NEK7: variants seen among roughly 807,000 people sequenced by gnomAD.
NEK7 encodes the protein NIMA related kinase 7.
Under a neutral mutation model 44.6 loss-of-function variants are expected in NEK7, and 18 were observed. That is an observed-to-expected ratio of 0.40 (90% CI 0.28 to 0.60). NEK7 has a LOEUF of 0.60. Ranked by LOEUF, NEK7 falls within the 20% of genes least tolerant of loss-of-function variation. The pLI, the probability that NEK7 is intolerant of heterozygous loss-of-function variation, is 0.38. For missense variants in NEK7, 256 were observed against 366.5 expected, an observed-to-expected ratio of 0.70 and a Z score of 2.46; for synonymous variants, 130 against 121.1, an observed-to-expected ratio of 1.07 and a Z score of -0.48.
At chr1:198,289,929 GA>G (rs1332289820) in intron 7 of NEK7, among the ~76,000 whole-genome samples, 5 of 152,114 alleles carry the variant, frequency 3.3e-5, no homozygotes, top group African/African-American at 4.8e-5. Flanking sequence ...TCAATGTAAT[GA>G]AAGGGATTTT....
At chr1:198,224,525 A>G (rs1328160938) in intron 1 of NEK7, among the ~76,000 whole-genome samples, 3 of 151,798 alleles carry the variant, frequency 2.0e-5, no homozygotes, top group African/African-American at 4.9e-5. Context: ...CTGTACTTCA[A>G]CCGAAACAAT....
At chr1:198,299,088 C>T (rs1404637281) in intron 9 of NEK7, among the ~76,000 whole-genome samples, 1 of 152,174 alleles carries the variant, frequency 6.6e-6, no homozygotes, top group East Asian at 1.9e-4. Context: ...AGCTGTAAAG[C>T]AAAACACATT....
intron 2 of NEK7, among the ~76,000 whole-genome samples, chr1:198,246,258 T>C (rs1571567906): frequency 6.6e-6 from 1 of 152,190 alleles, no homozygotes; most frequent in Non-Finnish European, 1.5e-5. Flanking sequence ...CCAAGGGTAG[T>C]TGGAGATGTG....
intron 1 of NEK7, among the ~76,000 whole-genome samples, chr1:198,229,019 G>T (rs182194609): frequency 2.0e-5 from 3 of 152,140 alleles, no homozygotes; most frequent in Non-Finnish European, 4.4e-5. Flanking sequence ...TTCAGAAGGC[G>T]TTCTGCCCCA....
intron 3 of NEK7, among the ~76,000 whole-genome samples, chr1:198,261,648 G>A (rs1372043066): frequency 6.6e-6 from 1 of 151,632 alleles, no homozygotes; most frequent in Non-Finnish European, 1.5e-5. Context: ...TCAGCTTGCA[G>A]TACTGACTTA....
At chr1:198,279,196 C>T in intron 7 of NEK7, 135 bp downstream of exon 7, 2 of 540,096 alleles carry the variant, frequency 3.7e-6, no homozygotes, top group Non-Finnish European at 6.6e-6. Context: ...TGAACAGATG[C>T]CTGCAACTCT....
chr1:198,249,238 A>G (rs1321842517), intron 2 of NEK7, among the ~76,000 whole-genome samples: 1 of 151,960 alleles, frequency 6.6e-6, no homozygotes, highest in Non-Finnish European at 1.5e-5. Flanking sequence ...TTTTATGGCT[A>G]CATAGTATTC....
intron 5 of NEK7, among the ~76,000 whole-genome samples, chr1:198,267,302 T>TTCAC (rs1553254715): frequency 4.0e-5 from 6 of 151,808 alleles, no homozygotes; most frequent in Admixed American, 3.3e-4. Flanking sequence ...CATTCATTCA[T>TTCAC]TCAAGAAACT....
chr1:198,278,304 A>G (rs59986746), intron 6 of NEK7, among the ~76,000 whole-genome samples: 3,160 of 151,544 alleles, frequency 0.021, 153 homozygotes, highest in African/African-American at 0.072. Context: ...TGCTGTTGGT[A>G]AAGATAAGAC....
chr1:198,194,488 T>G (rs1301774870), intron 1 of NEK7, among the ~76,000 whole-genome samples: 1 of 152,090 alleles, frequency 6.6e-6, no homozygotes, highest in Non-Finnish European at 1.5e-5. Flanking sequence ...GTTGTTTCTC[T>G]CTATGTGTCT....
intron 1 of NEK7, among the ~76,000 whole-genome samples, chr1:198,182,653 A>T (rs1664800942): frequency 6.6e-6 from 1 of 152,158 alleles, no homozygotes; most frequent in African/African-American, 2.4e-5. Context: ...AGAAACTGTT[A>T]CTTTCAAACT....
At chr1:198,275,888 A>C (rs575866510) in intron 5 of NEK7, among the ~76,000 whole-genome samples, 1 of 151,806 alleles carries the variant, frequency 6.6e-6, no homozygotes, top group South Asian at 2.1e-4. Flanking sequence ...GAATGGTTTA[A>C]AAACCACATA....
chr1:198,206,731 A>T (rs982093212), intron 1 of NEK7: 1 of 152,014 alleles, frequency 6.6e-6, no homozygotes, highest in Non-Finnish European at 1.5e-5. Flanking sequence ...GCCTTGAAAA[A>T]TTTTTTTACA....
At chr1:198,250,959 C>T (rs1051890250) in intron 2 of NEK7, among the ~76,000 whole-genome samples, 10 of 152,008 alleles carry the variant, frequency 6.6e-5, no homozygotes, top group South Asian at 6.2e-4. Context: ...GTCTTGTGCC[C>T]GTTTTCAAAG....
chr1:198,170,573 C>G (rs1164075362), intron 1 of NEK7, among the ~76,000 whole-genome samples: 2 of 152,114 alleles, frequency 1.3e-5, no homozygotes, highest in South Asian at 2.1e-4. Context: ...GTATGACTAT[C>G]TATTTGCCAA....
chr1:198,263,582 T>C (rs754142339), intron 4 of NEK7, among the ~76,000 whole-genome samples: 7 of 151,914 alleles, frequency 4.6e-5, no homozygotes, highest in Non-Finnish European at 8.8e-5. Flanking sequence ...AAATTTTTCT[T>C]AGGGATGATT....
rs182175174 is a variant in NEK7, at chr1:198,249,254, C to G, written c.58-3786C>G. Among the ~76,000 whole-genome samples, 88 of 151,748 alleles carry G rather than the reference C, an allele frequency of 5.8e-4. 1 individual carries two copies. In the East Asian group the frequency reaches 0.014, roughly 24 times the overall value. Reference sequence around the variant, plus strand: ...TTTATGGCTACATAGTATTCCATGGCGTATATGTGCCACATTTTCTTAATC... The same window carrying G: ...TTTATGGCTACATAGTATTCCATGGGGTATATGTGCCACATTTTCTTAATC... On this transcript the variant is annotated intron_variant, in intron 2 of 9. Transcript: ENST00000367385.
At chr1:198,251,503 T>C (rs998534697) in intron 2 of NEK7, among the ~76,000 whole-genome samples, 7 of 151,396 alleles carry the variant, frequency 4.6e-5, no homozygotes, top group Non-Finnish European at 1.0e-4. Context: ...ATCCATCTGG[T>C]CCTGGACTCT....
intron 7 of NEK7, among the ~76,000 whole-genome samples, chr1:198,284,012 T>C (rs1244945223): frequency 6.6e-6 from 1 of 152,158 alleles, no homozygotes; most frequent in African/African-American, 2.4e-5. Context: ...GCCTGTTGAA[T>C]TGGTCAATCA....
Sources: allele counts gnomAD v4.1 joint callset (sites outside exome capture counted in the v4.1 genomes callset), GRCh38; gene constraint gnomAD v4.1.1; transcripts MANE v1.5; gene names NCBI Gene and HGNC (gene_info 2026-07-23, HGNC 2026-07-21).